The following MAL variants were observed in gnomAD, a reference collection of about 807,000 sequenced individuals.
MAL encodes myelin and lymphocyte protein.
In MAL, 5 loss-of-function variants were observed where a neutral mutation model predicts 16.7. The ratio of observed to expected loss-of-function variants is 0.30; its 90% CI spans 0.16 to 0.63. MAL has a LOEUF of 0.63. Among genes scored for constraint, MAL ranks in the 30% least tolerant of loss-of-function variants. The pLI, the probability that MAL is intolerant of heterozygous loss-of-function variation, is 0.82. For missense variants in MAL, 202 were observed against 195.8 expected (o/e 1.03, Z -0.19); for synonymous variants, 96 against 85.5 (o/e 1.12, Z -0.67).
At chr2:95,037,768 CTGAG>C (rs1322685075) in intron 1 of MAL, among the ~76,000 whole-genome samples, 13 of 97,896 alleles carry the variant, frequency 1.3e-4, no homozygotes, top group Middle Eastern at 9.6e-3. Flanking sequence ...GAGTGAGTGA[CTGAG>C]TGAGTGACTG....
intron 1 of MAL, among the ~76,000 whole-genome samples, chr2:95,037,059 G>GACT: frequency 6.6e-6 from 1 of 151,158 alleles, no homozygotes; most frequent in Middle Eastern, 3.5e-3. Context: ...GTGACTGAGT[G>GACT]GGTGAGTGAC....
intron 1 of MAL, among the ~76,000 whole-genome samples, chr2:95,039,140 G>GTGAC: frequency 6.6e-6 from 1 of 151,382 alleles, no homozygotes; most frequent in South Asian, 2.1e-4. Flanking sequence ...GAGTGAGTGA[G>GTGAC]TGAGTGACTG....
At chr2:95,037,139 G>C (rs1236513926) in intron 1 of MAL, among the ~76,000 whole-genome samples, 1 of 151,306 alleles carries the variant, frequency 6.6e-6, no homozygotes, top group Non-Finnish European at 1.5e-5. Context: ...GTGAGTGAGT[G>C]ACTGAGTGAG....
intron 3 of MAL, among the ~76,000 whole-genome samples, chr2:95,050,065 T>C (rs1274523835): frequency 1.3e-5 from 2 of 152,094 alleles, no homozygotes; most frequent in African/African-American, 2.4e-5. Context: ...ATCTCACAGA[T>C]GGAGAAGTGG....
intron 1 of MAL, among the ~76,000 whole-genome samples, chr2:95,030,965 C>G (rs1005897385): frequency 2.0e-5 from 3 of 152,286 alleles, no homozygotes; most frequent in Admixed American, 6.5e-5. Context: ...ATAGCCAGCC[C>G]GACAGAGCCG....
intron 3 of MAL, 77 bp downstream of exon 3, chr2:95,049,783 G>T (rs531987339): frequency 6.3e-7 from 1 of 1,577,630 alleles, no homozygotes; most frequent in Admixed American, 1.8e-5. Context: ...GGCTGCCTAG[G>T]CCCTTGGTCT....
chr2:95,032,484 C>A (rs1349639528), intron 1 of MAL, among the ~76,000 whole-genome samples: 1 of 152,210 alleles, frequency 6.6e-6, no homozygotes, highest in Non-Finnish European at 1.5e-5. Flanking sequence ...GGACATGGTG[C>A]TTTGGACCAG....
rs751842663 is a variant in MAL, at chr2:95,049,622, C to T, written c.303C>T (p.Ser101=). ...GCACCGCTGCCCTCTTTTACCTCAG[C>T]GCCTCAGTCCTGGAGGCCCTGGCCA... is the stretch of plus-strand genomic sequence containing the variant. ...YHCTAALFYL[S]ASVLEALATI... is the part of the protein sequence containing the mutation. Residue 101 remains serine (S), a synonymous_variant, in exon 3 of 4, where the codon AGC becomes AGT. Coordinates refer to ENST00000309988, the MANE Select transcript of MAL (RefSeq NM_002371.4). 70 of 1,614,112 alleles carry T rather than the reference C, an allele frequency of 4.3e-5. 2 individuals carry two copies. The highest frequency in any genetic ancestry group is 4.3e-4 in the South Asian group (39 of 91,088).
intron 1 of MAL, among the ~76,000 whole-genome samples, chr2:95,030,776 C>CGGGTTG (rs1674059569): frequency 6.7e-6 from 1 of 149,328 alleles, no homozygotes; most frequent in Non-Finnish European, 1.5e-5. Flanking sequence ...AGTCACATCA[C>CGGGTTG]GGGTTGGGGT....
intron 1 of MAL, chr2:95,026,640 CTTCCT>C (rs1357229733): frequency 1.3e-5 from 2 of 152,040 alleles, no homozygotes; most frequent in Non-Finnish European, 2.9e-5. Flanking sequence ...CAGGAAAGCG[CTTCCT>C]ACTGAGAACT....
chr2:95,039,266 G>A (rs1329313254), intron 1 of MAL, among the ~76,000 whole-genome samples: 1 of 151,278 alleles, frequency 6.6e-6, no homozygotes, highest in Non-Finnish European at 1.5e-5. Context: ...CTGAGTGACT[G>A]AGTGGGTGAG....
intron 1 of MAL, among the ~76,000 whole-genome samples, chr2:95,038,138 TGATGAGTGAGTGACTGAGTG>T (rs1268077864): frequency 2.3e-4 from 20 of 86,114 alleles, no homozygotes; most frequent in African/African-American, 9.4e-4. Flanking sequence ...GTGAGTGACT[TGATGAGTGAGTGACTGAGTG>T]GATGAGTGAG....
At chr2:95,042,767 T>C (rs992543963) in intron 1 of MAL, among the ~76,000 whole-genome samples, 6 of 152,206 alleles carry the variant, frequency 3.9e-5, no homozygotes, top group East Asian at 1.9e-4. Flanking sequence ...TGGAGTCTCC[T>C]TGATGAAAGG....
chr2:95,034,491 T>C (rs1322385846), intron 1 of MAL, among the ~76,000 whole-genome samples: 1 of 152,222 alleles, frequency 6.6e-6, no homozygotes, highest in Non-Finnish European at 1.5e-5. Flanking sequence ...GAATGAATTA[T>C]CAGCAGGCTC....
At chr2:95,043,645 A>T (rs1421031936) in intron 1 of MAL, among the ~76,000 whole-genome samples, 1 of 152,222 alleles carries the variant, frequency 6.6e-6, no homozygotes, top group Non-Finnish European at 1.5e-5. Context: ...CAGCTGAGGC[A>T]ACAGCTGTTT....
intron 1 of MAL, among the ~76,000 whole-genome samples, chr2:95,042,078 C>T (rs956578996): frequency 2.0e-5 from 3 of 152,182 alleles, no homozygotes; most frequent in African/African-American, 4.8e-5. Flanking sequence ...AACCCAAGGA[C>T]GAGCTAGTCT....
intron 1 of MAL, among the ~76,000 whole-genome samples, chr2:95,031,149 C>T (rs1363376131): frequency 6.6e-6 from 1 of 152,214 alleles, no homozygotes; most frequent in Non-Finnish European, 1.5e-5. Flanking sequence ...GCCTGGGTCA[C>T]CGGGTCTCCA....
intron 1 of MAL, among the ~76,000 whole-genome samples, chr2:95,032,309 C>G (rs1452175107): frequency 6.6e-6 from 1 of 152,270 alleles, no homozygotes; most frequent in African/African-American, 2.4e-5. Context: ...TTGGCTTTGT[C>G]CTGGGCCCAG....
At chr2:95,035,426 A>G (rs1325336327) in intron 1 of MAL, among the ~76,000 whole-genome samples, 1 of 152,172 alleles carries the variant, frequency 6.6e-6, no homozygotes, top group Non-Finnish European at 1.5e-5. Context: ...GCCTATCAGA[A>G]AGCCCCTAGA....
Sources: gnomAD v4.1 joint callset for allele counts (sites outside exome capture counted in the v4.1 genomes callset) on GRCh38, gnomAD v4.1.1 for gene constraint, MANE v1.5 for transcripts, NCBI Gene and HGNC (gene_info 2026-07-23, HGNC 2026-07-21) for gene names.